CEP72: variants seen among roughly 807,000 people sequenced by gnomAD.
CEP72 encodes the protein centrosomal protein 72, also known as centrosomal protein of 72 kDa.
CEP72 carries 78 observed loss-of-function variants against 65.7 expected under a neutral mutation model. The observed-to-expected ratio is 1.19, with a 90% CI of 0.99 to 1.43. CEP72 has a LOEUF of 1.43. Among genes scored for constraint, CEP72 ranks in the 40% most tolerant of loss-of-function variants. CEP72 has a pLI of 0.00. For synonymous variants in CEP72, 358 were observed against 351.7 expected (o/e 1.02, Z -0.20); for missense variants, 914 against 832.9 (o/e 1.10, Z -1.20).
chr5:619,961 T>C (rs1285946674), intron 2 of CEP72, 108 bp from the exon 3 acceptor site: 5 of 828,094 alleles, frequency 6.0e-6, no homozygotes, highest in Middle Eastern at 2.3e-4. Flanking sequence ...CATGGAGTTA[T>C]TGCAAATAAG....
chr5:673,181 A>G, the CEP72 span, among the ~76,000 whole-genome samples: 1 of 152,086 alleles, frequency 6.6e-6, no homozygotes, highest in Non-Finnish European at 1.5e-5. Flanking sequence ...GCCCGCCGCC[A>G]CCACCCCTTG....
downstream of CEP72, among the ~76,000 whole-genome samples, chr5:658,081 A>G (rs1333488834): frequency 1.3e-5 from 2 of 152,228 alleles, no homozygotes; most frequent in Non-Finnish European, 2.9e-5. Context: ...TGGCTTCAAC[A>G]TTTGAAGTTG....
downstream of CEP72, among the ~76,000 whole-genome samples, chr5:658,732 G>A (rs1383694310): frequency 2.5e-5 from 3 of 119,698 alleles, no homozygotes; most frequent in African/African-American, 6.4e-5. Flanking sequence ...GCAGTGGCGT[G>A]ATCTCGGCTC....
chr5:660,183 A>C (rs1739524445), downstream of CEP72: 1 of 149,976 alleles, frequency 6.7e-6, no homozygotes, highest in Non-Finnish European at 1.5e-5. Flanking sequence ...TGTTAATCAC[A>C]CAGTGTAAAA....
chr5:619,934 A>C (rs924966410), intron 2 of CEP72, 135 bp from the exon 3 acceptor site: 1 of 712,704 alleles, frequency 1.4e-6, no homozygotes, highest in Non-Finnish European at 2.3e-6. Context: ...TCATTTTTCT[A>C]CTTTTCCTGG....
In CEP72 at chr5:645,726, G is replaced by C. The variant is rs1022499069; in HGVS notation, c.1666+1301G>C. On this transcript the variant is annotated intron_variant, in intron 10 of 11. Coordinates refer to ENST00000264935, the MANE Select transcript of CEP72 (RefSeq NM_018140.4). This position sits in a 1 kb window ranked among gnomAD's most constrained non-coding sequence, Gnocchi z 4.0. ...TGCAGCCACCTCTGCCCCTGAACTG[G>C]AACAACAGAGTAAATAATAGTCTAA... Among the ~76,000 whole-genome samples, 2 of 152,250 alleles carry C rather than the reference G, an allele frequency of 1.3e-5. No individual in the cohort carries two copies. Among genetic ancestry groups the C allele is most frequent in the African/African-American group, 4.8e-5 (2 of 41,464 alleles).
At chr5:670,811 A>G (rs145806582), downstream of CEP72, among the ~76,000 whole-genome samples, 157 of 152,300 alleles carry the variant, frequency 1.0e-3, no homozygotes, top group African/African-American at 3.6e-3. Context: ...GTCGGTGGCA[A>G]GCCCTCCAGG....
At position 635,445 on chromosome 5, in the gene CEP72, G is replaced by A. The variant is rs375299272; in HGVS notation, c.765G>A (p.Thr255=). ...ACTCTGGGAAGCAGGGCCGTGAGAC[G>A]AGGAGGAGCAGCTGCAGAGGGTGCT... The part of the protein sequence containing the change: ...CGDSGKQGRE[T]RRSSCRGCCL... The change falls in exon 6 of 12, where the codon ACG becomes ACA. Residue 255 remains threonine, a synonymous_variant. Coordinates refer to ENST00000264935, the MANE Select transcript of CEP72 (RefSeq NM_018140.4). 13 of 1,614,092 alleles carry A rather than the reference G, an allele frequency of 8.1e-6. No individual in the cohort carries two copies. Among genetic ancestry groups the A allele is most frequent in the East Asian group, 2.2e-5 (1 of 44,862 alleles).
chr5:641,581 A>AC (rs1738029702), intron 9 of CEP72: 3 of 950,248 alleles, frequency 3.2e-6, no homozygotes, highest in Non-Finnish European at 3.7e-6. Flanking sequence ...TGGCCCCCCC[A>AC]CCCCGCCTGG....
chr5:616,476 CTG>C (rs1292425402), intron 1 of CEP72, among the ~76,000 whole-genome samples: 3 of 152,076 alleles, frequency 2.0e-5, no homozygotes, highest in East Asian at 1.9e-4. Flanking sequence ...TGTTGATTGA[CTG>C]TGTTTTCTCA....
chr5:669,744 G>A (rs915631651), downstream of CEP72, among the ~76,000 whole-genome samples: 3 of 152,100 alleles, frequency 2.0e-5, no homozygotes, highest in African/African-American at 7.2e-5. Flanking sequence ...GTGTCTCGGG[G>A]AAAGGGCGCC....
At chr5:628,954 A>G (rs113024112) in intron 4 of CEP72, among the ~76,000 whole-genome samples, 2,061 of 90,402 alleles carry the variant, frequency 0.023, 16 homozygotes, top group Non-Finnish European at 0.026. Context: ...AACTCAGGTC[A>G]CAGGCCCCGG....
In CEP72 at chr5:653,193, TAA is replaced by T; in HGVS notation, c.*42_*43del. ...CTGGGCCACCCCTTAAGCTTCCTGG[TAA>T]AGTTACATTGTCTGCACCTTTGTAC... On this transcript the variant is annotated 3_prime_UTR_variant, in exon 12 of 12. Transcript: ENST00000264935. The T allele has an allele frequency of 2.6e-6, 4 of 1,537,502 alleles. No homozygotes were observed. Among genetic ancestry groups the T allele is most frequent in the Non-Finnish European group, 3.5e-6 (4 of 1,146,608 alleles).
At chr5:651,451 G>A (rs927673815) in intron 11 of CEP72, among the ~76,000 whole-genome samples, 10 of 151,972 alleles carry the variant, frequency 6.6e-5, no homozygotes, top group Non-Finnish European at 1.5e-4. Context: ...GGAGAGAGGT[G>A]CATGAGAGAT....
chr5:665,614 C>G (rs1320940374), intron 3 of CEP72, among the ~76,000 whole-genome samples: 1 of 126,810 alleles, frequency 7.9e-6, no homozygotes, highest in East Asian at 2.1e-4. Flanking sequence ...CTATGCCCCC[C>G]CAATCCATGC....
intron 4 of CEP72, among the ~76,000 whole-genome samples, chr5:666,388 G>T (rs1739915112): frequency 6.6e-6 from 1 of 152,256 alleles, no homozygotes. Flanking sequence ...TGCTGGGGCA[G>T]TGCCGGAGGC....
At chr5:629,499 G>A (rs1287177093) in intron 4 of CEP72, among the ~76,000 whole-genome samples, 4 of 123,430 alleles carry the variant, frequency 3.2e-5, no homozygotes, top group East Asian at 2.9e-4. Context: ...GCCGGGATTT[G>A]GACCAGTCCT....
At chr5:670,185 CT>C (rs529202440), downstream of CEP72, among the ~76,000 whole-genome samples, 51 of 152,296 alleles carry the variant, frequency 3.3e-4, no homozygotes, top group East Asian at 8.7e-3. Context: ...GGACTGAGGC[CT>C]GTTCCTCCGG....
chr5:627,628 A>C (rs1157397850), intron 4 of CEP72, among the ~76,000 whole-genome samples: 1 of 152,132 alleles, frequency 6.6e-6, no homozygotes, highest in African/African-American at 2.4e-5. Flanking sequence ...GGAGGGCTAG[A>C]ATTTGGAGCT....
Sources: allele counts gnomAD v4.1 joint callset (sites outside exome capture counted in the v4.1 genomes callset), GRCh38; gene constraint gnomAD v4.1.1; non-coding constraint Gnocchi (gnomAD v3.1); transcripts MANE v1.5; gene names NCBI Gene and HGNC (gene_info 2026-07-23, HGNC 2026-07-21).